C5orf63: variants seen among roughly 807,000 people sequenced by gnomAD.
C5orf63 encodes the protein chromosome 5 open reading frame 63.
Under a neutral mutation model 13.3 loss-of-function variants are expected in C5orf63, and 18 were observed. That is an observed-to-expected ratio of 1.36 (90% CI 0.94 to 2.01). C5orf63 has a LOEUF of 2.01. Among genes scored for constraint, C5orf63 ranks in the 30% most tolerant of loss-of-function variants. The pLI is 0.00. For synonymous variants in C5orf63, 38 were observed against 44.7 expected (o/e 0.85, Z 0.60); for missense variants, 118 against 127.7 (o/e 0.92, Z 0.36).
chr5:127,061,719 G>C (rs191434658), intron 2 of C5orf63, among the ~76,000 whole-genome samples: 26 of 152,298 alleles, frequency 1.7e-4, no homozygotes, highest in African/African-American at 6.3e-4. Flanking sequence ...AAATGGGGAG[G>C]AGGTACAGAA....
intron 2 of C5orf63, among the ~76,000 whole-genome samples, chr5:127,063,981 G>T (rs1476222785): frequency 6.6e-6 from 1 of 152,230 alleles, no homozygotes; most frequent in East Asian, 1.9e-4. Flanking sequence ...GCTCTTAGGG[G>T]ACACATCTGG....
chr5:127,072,497 C>T (rs1224778833), intron 1 of C5orf63, among the ~76,000 whole-genome samples: 1 of 152,152 alleles, frequency 6.6e-6, no homozygotes, highest in Non-Finnish European at 1.5e-5. Flanking sequence ...CAAGGCATAG[C>T]TCTAGTGGCT....
At chr5:127,043,707 CTT>C (rs1252784241), downstream of C5orf63, 3 of 152,116 alleles carry the variant, frequency 2.0e-5, no homozygotes, top group Admixed American at 6.5e-5. Flanking sequence ...TCTGACATCT[CTT>C]TTTTACCCAG....
At chr5:127,067,259 G>C (rs1702800315) in intron 2 of C5orf63, among the ~76,000 whole-genome samples, 1 of 152,046 alleles carries the variant, frequency 6.6e-6, no homozygotes, top group Non-Finnish European at 1.5e-5. Context: ...GAAAAGTAAA[G>C]CTTAAGTACT....
At chr5:127,053,333 G>A (rs920365841) in intron 3 of C5orf63, among the ~76,000 whole-genome samples, 3 of 152,008 alleles carry the variant, frequency 2.0e-5, no homozygotes, top group African/African-American at 4.8e-5. Flanking sequence ...AGTCTGTTGA[G>A]AATACTATGG....
At chr5:127,047,550 T>C, downstream of C5orf63, 1 of 585,620 alleles carries the variant, frequency 1.7e-6, no homozygotes, top group Admixed American at 3.1e-5. Flanking sequence ...GTAAGTTTAT[T>C]GAAGAGCTAT....
At chr5:127,064,703 T>C (rs1196953018) in intron 2 of C5orf63, among the ~76,000 whole-genome samples, 2 of 152,222 alleles carry the variant, frequency 1.3e-5, no homozygotes, top group Non-Finnish European at 2.9e-5. Context: ...CCAGAAAGGA[T>C]TGGTCACATG....
chr5:127,066,345 G>A (rs533132847), intron 2 of C5orf63, among the ~76,000 whole-genome samples: 15 of 152,242 alleles, frequency 9.9e-5, no homozygotes, highest in African/African-American at 3.1e-4. Context: ...GCTGCTGTGC[G>A]AAGAACAGAT....
chr5:127,049,638 C>T (rs1030543671), downstream of C5orf63, among the ~76,000 whole-genome samples: 2 of 152,226 alleles, frequency 1.3e-5, no homozygotes, highest in African/African-American at 4.8e-5. Context: ...CTCCCATCAC[C>T]TACTACGGTG....
intron 2 of C5orf63, among the ~76,000 whole-genome samples, chr5:127,064,395 T>G (rs1754240783): frequency 6.6e-6 from 1 of 151,968 alleles, no homozygotes; most frequent in East Asian, 1.9e-4. Context: ...GTGGAAGTGT[T>G]AAGGAGGTAG....
At chr5:127,049,659 G>A (rs1458811136), downstream of C5orf63, among the ~76,000 whole-genome samples, 1 of 152,214 alleles carries the variant, frequency 6.6e-6, no homozygotes, top group East Asian at 1.9e-4. Flanking sequence ...CTTCAATGCT[G>A]TAAGGACTTG....
intron 2 of C5orf63, among the ~76,000 whole-genome samples, chr5:127,067,590 C>T (rs1754377851): frequency 6.6e-6 from 1 of 152,126 alleles, no homozygotes; most frequent in African/African-American, 2.4e-5. Context: ...CTTACTCAGC[C>T]TTCACAAAAT....
intron 2 of C5orf63, among the ~76,000 whole-genome samples, chr5:127,066,193 G>A (rs1431490490): frequency 6.6e-6 from 1 of 152,026 alleles, no homozygotes; most frequent in Non-Finnish European, 1.5e-5. Flanking sequence ...ATCAGGAGAC[G>A]AGATTAACCC....
intron 3 of C5orf63, among the ~76,000 whole-genome samples, chr5:127,056,988 C>T (rs1171135438): frequency 5.3e-5 from 8 of 152,088 alleles, no homozygotes; most frequent in East Asian, 1.9e-4. Context: ...GTGGTTTTTT[C>T]GTTTTGTTTT....
chr5:127,047,627 T>A, downstream of C5orf63: 1 of 676,642 alleles, frequency 1.5e-6, no homozygotes, highest in Non-Finnish European at 2.7e-6. Context: ...AGAAAGCATC[T>A]TTCTGTCTCC....
At chr5:127,072,696 A>C (rs983582171) in intron 1 of C5orf63, among the ~76,000 whole-genome samples, 1 of 152,202 alleles carries the variant, frequency 6.6e-6, no homozygotes, top group Non-Finnish European at 1.5e-5. Context: ...TTATTAATAA[A>C]CAAGAATAAA....
chr5:127,051,247 G>T (rs757695332), downstream of C5orf63: 16 of 1,119,150 alleles, frequency 1.4e-5, no homozygotes, highest in Non-Finnish European at 1.7e-5. Flanking sequence ...CAACAAAAAT[G>T]AACTCTAATT....
chr5:127,064,876 G>C (rs1304072217), intron 2 of C5orf63, among the ~76,000 whole-genome samples: 1 of 152,162 alleles, frequency 6.6e-6, no homozygotes, highest in Non-Finnish European at 1.5e-5. Flanking sequence ...TTTGAAGTGT[G>C]GGCCTTGCCT....
intron 2 of C5orf63, among the ~76,000 whole-genome samples, chr5:127,065,306 T>A (rs1037908154): frequency 6.6e-6 from 1 of 152,164 alleles, no homozygotes; most frequent in Non-Finnish European, 1.5e-5. Context: ...GACATGTATA[T>A]GAGCAGGTAA....
Sources: allele counts gnomAD v4.1 joint callset (sites outside exome capture counted in the v4.1 genomes callset), GRCh38; gene constraint gnomAD v4.1.1; transcripts MANE v1.5; gene names NCBI Gene and HGNC (gene_info 2026-07-23, HGNC 2026-07-21).